The following MYRIP variants were observed in gnomAD, a reference collection of about 807,000 sequenced individuals.
The protein encoded by MYRIP is myosin VIIA and Rab interacting protein, also known as rab effector MyRIP.
A neutral mutation model predicts 98.0 loss-of-function variants in MYRIP; 49 were observed. The ratio of observed to expected loss-of-function variants is 0.50; its 90% CI spans 0.40 to 0.63. The LOEUF is 0.63. Among genes scored for constraint, MYRIP ranks in the 30% least tolerant of loss-of-function variants. The probability of loss-of-function intolerance (pLI) is 0.00; values close to 1 mark genes in which losing one functional copy is unlikely to be tolerated. For missense variants in MYRIP, 1,004 were observed against 1,058.2 expected (o/e 0.95, Z 0.71); for synonymous variants, 404 against 409.5 (o/e 0.99, Z 0.16).
In MYRIP at chr3:40,218,609, AT is replaced by A. The variant is rs370689146; in HGVS notation, c.1905+8520del. Among the ~76,000 whole-genome samples, 405 of 127,334 alleles carry A rather than the reference AT, an allele frequency of 3.2e-3. 8 individuals are homozygous for A. The highest frequency in any genetic ancestry group is 8.6e-3 in the African/African-American group (241 of 27,938). 83.5% of individuals were successfully genotyped at this position (127,334 alleles called of 152,430 possible). A position where few individuals can be genotyped will look rare whatever the true frequency, so the allele number is the denominator to read the frequency against. On this transcript the variant is annotated intron_variant, in intron 11 of 16. Coordinates refer to ENST00000302541, the MANE Select transcript of MYRIP (RefSeq NM_015460.4). Reference sequence around the variant, plus strand: ...CACACACACACACACATATATATATATTTTATATATATATATATATATATAT... The same window carrying A: ...CACACACACACACACATATATATATATTTATATATATATATATATATATAT...
intron 3 of MYRIP, among the ~76,000 whole-genome samples, chr3:40,098,108 T>C (rs59942426): frequency 0.094 from 14,280 of 152,222 alleles, 764 homozygotes; most frequent in East Asian, 0.22. Flanking sequence ...TTGGGCCCCA[T>C]CAGAGACCAC....
chr3:39,901,837 C>CA (rs983722319), intron 2 of MYRIP, among the ~76,000 whole-genome samples: 3 of 151,614 alleles, frequency 2.0e-5, no homozygotes, highest in African/African-American at 7.3e-5. Context: ...TATGTGAGAC[C>CA]AAAAAATGGT....
At chr3:39,877,744 C>G (rs1943038988) in intron 1 of MYRIP, among the ~76,000 whole-genome samples, 2 of 152,068 alleles carry the variant, frequency 1.3e-5, no homozygotes, top group Non-Finnish European at 2.9e-5. Context: ...AGGTGTCAGT[C>G]TGCCCCTACT....
intron 2 of MYRIP, among the ~76,000 whole-genome samples, chr3:39,931,703 G>A (rs931044213): frequency 3.3e-5 from 5 of 152,044 alleles, no homozygotes; most frequent in African/African-American, 1.2e-4. Flanking sequence ...CTTAGTTTGT[G>A]CTTTTATTTT....
intron 1 of MYRIP, among the ~76,000 whole-genome samples, chr3:39,895,399 C>T (rs1943583697): frequency 6.6e-6 from 1 of 152,018 alleles, no homozygotes; most frequent in Non-Finnish European, 1.5e-5. Context: ...ATTGGCCAGG[C>T]TGGTCTTGGA....
chr3:39,896,387 T>C (rs1043284543), intron 1 of MYRIP, among the ~76,000 whole-genome samples: 2 of 152,170 alleles, frequency 1.3e-5, no homozygotes, highest in Non-Finnish European at 2.9e-5. Context: ...GGTAACACCC[T>C]TGAAGGTGAA....
At chr3:40,177,609 T>G (rs1220187980) in intron 8 of MYRIP, among the ~76,000 whole-genome samples, 1 of 152,198 alleles carries the variant, frequency 6.6e-6, no homozygotes, top group Non-Finnish European at 1.5e-5. Flanking sequence ...ATTTTTAATT[T>G]CCTCCCTCAT....
chr3:40,035,085 AG>A (rs1947348139), intron 2 of MYRIP, among the ~76,000 whole-genome samples: 1 of 65,940 alleles, frequency 1.5e-5, no homozygotes, highest in South Asian at 6.9e-4. Flanking sequence ...GGGTGGGGGG[AG>A]GGGGGAGGGA....
chr3:40,081,767 T>C (rs1465818625), intron 3 of MYRIP, among the ~76,000 whole-genome samples: 3 of 152,026 alleles, frequency 2.0e-5, no homozygotes, highest in Non-Finnish European at 2.9e-5. Flanking sequence ...GTGTAGTAGA[T>C]CTCAAAAATG....
chr3:40,140,534 T>C (rs1949869202), intron 3 of MYRIP, among the ~76,000 whole-genome samples: 1 of 152,210 alleles, frequency 6.6e-6, no homozygotes, highest in African/African-American at 2.4e-5. Context: ...GTGAGGGACC[T>C]CCACACTGTT....
chr3:39,910,754 A>G (rs1037359163), intron 2 of MYRIP, among the ~76,000 whole-genome samples: 1 of 152,216 alleles, frequency 6.6e-6, no homozygotes, highest in Non-Finnish European at 1.5e-5. Context: ...TAAATTATAT[A>G]TATGGCTCAC....
intron 4 of MYRIP, among the ~76,000 whole-genome samples, chr3:40,153,551 C>T (rs990296578): frequency 2.0e-5 from 3 of 152,328 alleles, no homozygotes; most frequent in East Asian, 1.9e-4. Context: ...CCATTAATTA[C>T]TGCTGAATTT....
chr3:40,005,344 A>T (rs1946608620), intron 2 of MYRIP, among the ~76,000 whole-genome samples: 1 of 152,380 alleles, frequency 6.6e-6, no homozygotes, highest in African/African-American at 2.4e-5. Context: ...GTCAGTTCTA[A>T]GTCAGTATTT....
chr3:40,024,008 A>T (rs1947065391), intron 2 of MYRIP, among the ~76,000 whole-genome samples: 1 of 152,194 alleles, frequency 6.6e-6, no homozygotes, highest in Non-Finnish European at 1.5e-5. Flanking sequence ...CCTATGTGAG[A>T]CTAAACACAA....
chr3:39,868,451 A>T (rs1244279502), intron 1 of MYRIP, among the ~76,000 whole-genome samples: 1 of 152,054 alleles, frequency 6.6e-6, no homozygotes, highest in East Asian at 1.9e-4. Flanking sequence ...TGGATAAGGG[A>T]CTGAGTTCCT....
At chr3:40,132,748 T>G (rs1340812179) in intron 3 of MYRIP, among the ~76,000 whole-genome samples, 1 of 152,184 alleles carries the variant, frequency 6.6e-6, no homozygotes, top group African/African-American at 2.4e-5. Flanking sequence ...TCCTCTAGGG[T>G]TGGTGCAGAA....
chr3:39,889,956 A>G (rs960026127), intron 1 of MYRIP, among the ~76,000 whole-genome samples: 3 of 152,128 alleles, frequency 2.0e-5, no homozygotes, highest in African/African-American at 4.8e-5. Flanking sequence ...CAATAACTTA[A>G]AGATTGTTTC....
In MYRIP at chr3:40,119,537, G is replaced by A. The variant is rs182907244; in HGVS notation, c.333-31511G>A. Among the ~76,000 whole-genome samples the A allele has an allele frequency of 3.8e-4, 57 of 150,928 alleles. No homozygotes were observed. The East Asian group carries it at 8.2e-3, about 22-fold the overall frequency. On this transcript the variant is annotated intron_variant, in intron 3 of 16. Transcript: ENST00000302541. ...GGAACTGGAGGTGTGGTGAACACAG[G>A]TGAGCAGGAGACTTAAATTTTAAAT...
At chr3:40,243,483 T>G (rs1241196315) in intron 12 of MYRIP, among the ~76,000 whole-genome samples, 1 of 151,962 alleles carries the variant, frequency 6.6e-6, no homozygotes, top group Non-Finnish European at 1.5e-5. Context: ...TAACTCAAAT[T>G]AAGGAAACTG....
Sources: allele counts gnomAD v4.1 joint callset (sites outside exome capture counted in the v4.1 genomes callset), GRCh38; gene constraint gnomAD v4.1.1; transcripts MANE v1.5; gene names NCBI Gene and HGNC (gene_info 2026-07-23, HGNC 2026-07-21).